The following SLC4A4 variants were observed in gnomAD, a reference collection of about 807,000 sequenced individuals.
SLC4A4 encodes the protein solute carrier family 4 member 4, also known as electrogenic sodium bicarbonate cotransporter 1.
SLC4A4 carries 27 observed loss-of-function variants against 111.5 expected under a neutral mutation model. The observed-to-expected ratio is 0.24, with a 90% CI of 0.18 to 0.33. The LOEUF (loss-of-function observed/expected upper bound fraction) is 0.33, where lower values mean the gene tolerates loss of function less well. Ranked by LOEUF, SLC4A4 falls within the 10% of genes least tolerant of loss-of-function variation. The pLI is 1.00. For missense variants in SLC4A4, 909 were observed against 1,315.5 expected, an observed-to-expected ratio of 0.69 and a Z score of 4.78; for synonymous variants, 443 against 463.4, an observed-to-expected ratio of 0.96 and a Z score of 0.57.
chr4:71,547,248 A>G (rs1230920743), intron 19 of SLC4A4, among the ~76,000 whole-genome samples: 1 of 152,010 alleles, frequency 6.6e-6, no homozygotes, highest in Middle Eastern at 3.2e-3. Flanking sequence ...TAATTGGAAT[A>G]TGGGACAATG....
At chr4:71,534,638 A>G (rs1278307615) in intron 18 of SLC4A4, among the ~76,000 whole-genome samples, 2 of 152,150 alleles carry the variant, frequency 1.3e-5, no homozygotes, top group Non-Finnish European at 2.9e-5. Flanking sequence ...AAGAGAATAC[A>G]AACATAATTT....
rs545652286 is a variant in SLC4A4 at position 71,123,012 on chromosome 4, TA to T, written c.-2+30224del. On this transcript the variant is annotated intron_variant, in intron 2 of 26. Coordinates refer to the SLC4A4 transcript ENST00000649996. ...TAATGCCTGTAAAACAAGAACAAGA[TA>T]AAATGAAAAGATAAAAGAGAACAAG... Among the ~76,000 whole-genome samples, 61 of 152,022 alleles carry T rather than the reference TA, an allele frequency of 4.0e-4. 1 individual carries two copies. In the South Asian group the frequency reaches 0.011, roughly 28 times the overall value.
chr4:71,490,343 A>T (rs1304244219), intron 15 of SLC4A4, among the ~76,000 whole-genome samples: 1 of 151,718 alleles, frequency 6.6e-6, no homozygotes, highest in Non-Finnish European at 1.5e-5. Context: ...CCTTTTTTTT[A>T]AATTGAGGCA....
chr4:71,503,803 A>G (rs1033093363), intron 16 of SLC4A4, among the ~76,000 whole-genome samples: 1 of 152,186 alleles, frequency 6.6e-6, no homozygotes, highest in Admixed American at 6.5e-5. Flanking sequence ...TTTTCATGAT[A>G]ATAAATATCA....
intron 3 of SLC4A4, among the ~76,000 whole-genome samples, chr4:71,287,872 A>G (rs1413511428): frequency 6.6e-6 from 1 of 152,216 alleles, no homozygotes; most frequent in African/African-American, 2.4e-5. Flanking sequence ...AGAATTCAAT[A>G]TGAATAAATG....
At chr4:71,365,421 G>A (rs1027509934) in intron 6 of SLC4A4, among the ~76,000 whole-genome samples, 9 of 152,114 alleles carry the variant, frequency 5.9e-5, no homozygotes, top group African/African-American at 2.2e-4. Context: ...GCAGATCTGG[G>A]ACCACATCCT....
chr4:71,520,726 A>G (rs1732850434), intron 16 of SLC4A4, among the ~76,000 whole-genome samples: 1 of 152,204 alleles, frequency 6.6e-6, no homozygotes, highest in African/African-American at 2.4e-5. Flanking sequence ...CCATCATATC[A>G]CATCTGCCAG....
chr4:71,476,890 A>C (rs1224741239), intron 14 of SLC4A4, among the ~76,000 whole-genome samples: 3 of 151,734 alleles, frequency 2.0e-5, no homozygotes, highest in African/African-American at 7.2e-5. Flanking sequence ...TTTTCTTAGA[A>C]ATGGGATAGC....
At position 71,477,482 on chromosome 4, in the gene SLC4A4, A is replaced by C. The variant is rs75384579; in HGVS notation, c.1903+4512A>C. On this transcript the variant is annotated intron_variant, in intron 14 of 25. Coordinates refer to ENST00000264485, the MANE Select transcript of SLC4A4 (RefSeq NM_001098484.3). ...CAAAATTAACAACCAGTGTGCTGTT[A>C]TAGATAAATATGAAACATTGAAGCT... is the stretch of plus-strand genomic sequence containing the variant. Among the ~76,000 whole-genome samples the C allele has an allele frequency of 1.9e-3, 291 of 151,938 alleles. 6 individuals carry two copies. In the East Asian group the frequency reaches 0.042, roughly 22 times the overall value.
At chr4:71,336,136 G>A (rs1381347115) in intron 3 of SLC4A4, among the ~76,000 whole-genome samples, 1 of 152,122 alleles carries the variant, frequency 6.6e-6, no homozygotes, top group Non-Finnish European at 1.5e-5. Flanking sequence ...GAATACATGA[G>A]TGAATTGTAA....
chr4:71,154,743 A>C (rs1023621325), intron 2 of SLC4A4, among the ~76,000 whole-genome samples: 1 of 152,210 alleles, frequency 6.6e-6, no homozygotes, highest in African/African-American at 2.4e-5. Flanking sequence ...TTCTACATTT[A>C]ATAGATTAAG....
rs932397817 is a variant in SLC4A4 at position 71,388,033 on chromosome 4, G to A, written c.731-9544G>A. Among the ~76,000 whole-genome samples, 9 of 152,194 alleles carry A rather than the reference G, an allele frequency of 5.9e-5. No individual in the cohort carries two copies. The South Asian group carries it at 1.9e-3, about 31-fold the overall frequency. ...TGAAAATCACTCTGGGTCAGTGCCT[G>A]TTTGGAATGAAGGCAGCGAGATATT... On this transcript the variant is annotated intron_variant, in intron 6 of 25. Coordinates refer to ENST00000264485, the MANE Select transcript of SLC4A4 (RefSeq NM_001098484.3).
chr4:71,209,052 T>C (rs990639524), intron 1 of SLC4A4, among the ~76,000 whole-genome samples: 6 of 152,210 alleles, frequency 3.9e-5, no homozygotes, highest in African/African-American at 1.4e-4. Flanking sequence ...CTGAAAGTCT[T>C]CAGAAAGTTT....
chr4:71,190,426 AC>A (rs1745678434), intron 1 of SLC4A4, among the ~76,000 whole-genome samples: 1 of 146,124 alleles, frequency 6.8e-6, no homozygotes, highest in South Asian at 2.2e-4. Flanking sequence ...ACACACACAC[AC>A]ACAGACACAA....
chr4:71,062,690 A>G (rs898240846), exon 1 of SLC4A4, among the ~76,000 whole-genome samples: 1 of 152,188 alleles, frequency 6.6e-6, no homozygotes, highest in South Asian at 2.1e-4. Context: ...CATTCAGAAG[A>G]TATAAGAAGC....
chr4:71,236,818 A>G (rs1025054097), intron 2 of SLC4A4, among the ~76,000 whole-genome samples, 169 bp downstream of exon 2: 4 of 152,198 alleles, frequency 2.6e-5, no homozygotes, highest in African/African-American at 9.7e-5. Flanking sequence ...AATTTTAAGA[A>G]CTTCACTGGA....
At chr4:71,420,512 G>C (rs1349168155) in intron 7 of SLC4A4, among the ~76,000 whole-genome samples, 1 of 151,966 alleles carries the variant, frequency 6.6e-6, no homozygotes, top group Admixed American at 6.6e-5. Flanking sequence ...CTCGAGAAGA[G>C]CAACTCCAAG....
rs183130579 is a variant in SLC4A4, at chr4:71,358,108, A to C, written c.730+921A>C. 2.9e-3 allele frequency among the ~76,000 whole-genome samples: 447 copies of C among 152,146 alleles called. 1 individual carries two copies. Among genetic ancestry groups the C allele is most frequent in the Middle Eastern group, 0.01 (3 of 294 alleles). ...GGCGGGTGGATCACGAGGTCAGGAG[A>C]TGGAGACCATCCTGGCTAACATGGC... On this transcript the variant is annotated intron_variant, in intron 6 of 25. Transcript: ENST00000264485.
At chr4:71,288,217 T>C (rs1724066861) in intron 3 of SLC4A4, among the ~76,000 whole-genome samples, 1 of 152,182 alleles carries the variant, frequency 6.6e-6, no homozygotes, top group African/African-American at 2.4e-5. Flanking sequence ...TCTTGCATGG[T>C]GACTTACTTG....
Sources: allele counts gnomAD v4.1 joint callset (sites outside exome capture counted in the v4.1 genomes callset), GRCh38; gene constraint gnomAD v4.1.1; transcripts MANE v1.5; gene names NCBI Gene and HGNC (gene_info 2026-07-23, HGNC 2026-07-21).